WDR1: variants seen among roughly 807,000 people sequenced by gnomAD.
WDR1 encodes WD repeat domain 1.
A neutral mutation model predicts 71.9 loss-of-function variants in WDR1; 21 were observed. The observed-to-expected ratio is 0.29, with a 90% CI of 0.21 to 0.42. The LOEUF (loss-of-function observed/expected upper bound fraction) is 0.42, where lower values mean the gene tolerates loss of function less well. Ranked by LOEUF, WDR1 falls within the 10% of genes least tolerant of loss-of-function variation. The pLI is 1.00. For missense variants in WDR1, 696 were observed against 824.5 expected (o/e 0.84, Z 1.91); for synonymous variants, 424 against 347.4 (o/e 1.22, Z -2.45).
chr4:10,108,754 T>C (rs1713176070), intron 2 of WDR1, among the ~76,000 whole-genome samples: 1 of 152,160 alleles, frequency 6.6e-6, no homozygotes, highest in African/African-American at 2.4e-5. Flanking sequence ...ACACAACGCC[T>C]TCTCCTAATT....
intron 3 of WDR1, among the ~76,000 whole-genome samples, chr4:10,103,382 C>G (rs552751715): frequency 6.6e-6 from 1 of 152,108 alleles, no homozygotes; most frequent in African/African-American, 2.4e-5. Flanking sequence ...CCCTGGCCAA[C>G]CTCATGGTGG....
intron 2 of WDR1, among the ~76,000 whole-genome samples, chr4:10,111,985 A>C (rs1713400673): frequency 6.6e-6 from 1 of 152,188 alleles, no homozygotes; most frequent in African/African-American, 2.4e-5. Flanking sequence ...ACCAGGCCCC[A>C]AACTTGCCTG....
intron 11 of WDR1, among the ~76,000 whole-genome samples, chr4:10,079,640 CCAGA>C (rs1406925489): frequency 1.3e-5 from 2 of 152,206 alleles, no homozygotes; most frequent in East Asian, 3.9e-4. Flanking sequence ...TCAACTGCTC[CCAGA>C]CAGTGGCCTT....
chr4:10,114,976 T>A (rs1026555116), intron 2 of WDR1, among the ~76,000 whole-genome samples: 1 of 152,188 alleles, frequency 6.6e-6, no homozygotes, highest in Admixed American at 6.5e-5. Flanking sequence ...AGAAGGAAAC[T>A]GAGACCCAGA....
At position 10,074,725 on chromosome 4, in the gene WDR1, A is replaced by T. The variant is rs983732482; in HGVS notation, c.*653T>A. Reference sequence around the variant, plus strand: ...TCAACGCACTAGTTTGTAAACACTGACAGGCAACAGTTAAGATACATTAAA... The same window carrying T: ...TCAACGCACTAGTTTGTAAACACTGTCAGGCAACAGTTAAGATACATTAAA... On this transcript the variant is annotated 3_prime_UTR_variant, in exon 15 of 15. Coordinates refer to ENST00000499869, the MANE Select transcript of WDR1 (RefSeq NM_017491.5). The T allele has an allele frequency of 5.3e-5, 8 of 152,322 alleles. No individual in the cohort carries two copies. The highest frequency in any genetic ancestry group is 1.9e-4 in the African/African-American group (8 of 41,406). 9.4% of individuals were successfully genotyped at this position (152,322 alleles called of 1,614,324 possible).
chr4:10,099,938 C>T (rs575231526), intron 3 of WDR1, among the ~76,000 whole-genome samples: 3 of 152,318 alleles, frequency 2.0e-5, no homozygotes, highest in East Asian at 3.9e-4. Flanking sequence ...CCGGGGGCCA[C>T]GTACCCCCAA....
At position 10,116,680 on chromosome 4, in the gene WDR1, T is replaced by A; in HGVS notation, c.-14A>T. ...CTCGTACGGCATCCTCGCCCACTTG[T>A]TACCGCGCCGCGCTCGCCGAGAGCC... On this transcript the variant is annotated 5_prime_UTR_variant, in exon 1 of 15. Transcript: ENST00000499869. 1 of 1,349,636 alleles carries A rather than the reference T, an allele frequency of 7.4e-7. No homozygotes were observed. The allele number at this position is 1,349,636 out of a possible 1,614,324, so 83.6% of individuals were successfully genotyped here. A position where few individuals can be genotyped will look rare whatever the true frequency, so the allele number is the denominator to read the frequency against.
chr4:10,082,444 C>G (rs1314735955), intron 10 of WDR1, among the ~76,000 whole-genome samples: 1 of 152,156 alleles, frequency 6.6e-6, no homozygotes, highest in African/African-American at 2.4e-5. Flanking sequence ...CTCGTCAGGT[C>G]CTGGAACATT....
intron 5 of WDR1, among the ~76,000 whole-genome samples, chr4:10,089,786 T>G (rs1711845449): frequency 6.6e-6 from 1 of 152,240 alleles, no homozygotes; most frequent in Admixed American, 6.5e-5. Context: ...AATCACGGAC[T>G]TAATTTTAAA....
chr4:10,083,273 G>A, intron 9 of WDR1, 95 bp from the exon 10 acceptor site: 1 of 1,441,372 alleles, frequency 6.9e-7, no homozygotes, highest in African/African-American at 1.4e-5. Flanking sequence ...CATCAAGAAT[G>A]AGAATCTCGC....
At chr4:10,083,895 A>G (rs1765108569) in intron 9 of WDR1, among the ~76,000 whole-genome samples, 1 of 152,272 alleles carries the variant, frequency 6.6e-6, no homozygotes, top group Non-Finnish European at 1.5e-5. Context: ...AAACACCTCC[A>G]GGGAACATCA....
chr4:10,088,553 A>T, intron 6 of WDR1, 111 bp downstream of exon 6: 2 of 1,157,364 alleles, frequency 1.7e-6, no homozygotes, highest in Non-Finnish European at 1.3e-6. Flanking sequence ...GGGGAGGGCG[A>T]TGTCTAAGTT....
At chr4:10,081,269 C>G (rs1425132424) in intron 11 of WDR1, 88 bp downstream of exon 11, 1 of 1,301,578 alleles carries the variant, frequency 7.7e-7, no homozygotes, top group African/African-American at 1.5e-5. Flanking sequence ...CTGGCTAGAG[C>G]AACTGTCAAA....
chr4:10,084,978 C>T (rs914921995), intron 8 of WDR1, among the ~76,000 whole-genome samples: 3 of 152,262 alleles, frequency 2.0e-5, no homozygotes, highest in Admixed American at 1.3e-4. Context: ...TTCTCTCTCC[C>T]TGCCCAGGAG....
At chr4:10,083,234 G>A in intron 9 of WDR1, 56 bp from the exon 10 acceptor site, 2 of 1,569,390 alleles carry the variant, frequency 1.3e-6, no homozygotes, top group Non-Finnish European at 1.7e-6. Flanking sequence ...GTTCTCAGGT[G>A]TGGCTTCAGT....
intron 2 of WDR1, among the ~76,000 whole-genome samples, 153 bp from the exon 3 acceptor site, chr4:10,104,139 C>T (rs557809607): frequency 3.3e-5 from 5 of 152,340 alleles, no homozygotes; most frequent in East Asian, 3.9e-4. Flanking sequence ...CACTTGCCTA[C>T]GTATCTACTG....
At position 10,084,408 on chromosome 4, in the gene WDR1, C is replaced by T. The variant is rs757799131; in HGVS notation, c.1039+35G>A. ...ACAGGAAATTCCCCCCTAGAGCCAG[C>T]GGCTCCGGAGCCAGCTCTTTGAGTC... is the stretch of plus-strand genomic sequence containing the variant. On this transcript the variant is annotated intron_variant, in intron 9 of 14. Coordinates refer to ENST00000499869, the MANE Select transcript of WDR1 (RefSeq NM_017491.5). The T allele has an allele frequency of 7.6e-6, 12 of 1,587,868 alleles. No individual in the cohort carries two copies. The East Asian group carries it at 9.1e-5, about 12-fold the overall frequency.
intron 8 of WDR1, among the ~76,000 whole-genome samples, chr4:10,085,970 G>A (rs1158316636): frequency 1.3e-5 from 2 of 152,198 alleles, no homozygotes; most frequent in East Asian, 1.9e-4. Context: ...GTTTAGCCAC[G>A]GTGGCAGGCC....
At position 10,103,883 on chromosome 4, in the gene WDR1, C is replaced by T. The variant is rs531252155; in HGVS notation, c.229+13G>A. On this transcript the variant is annotated intron_variant, in intron 3 of 14. Coordinates refer to ENST00000499869, the MANE Select transcript of WDR1 (RefSeq NM_017491.5). Reference sequence around the variant, plus strand: ...CCCCACAGGTGTCCACGAGCCTTGCCCCCATACAGTACCTCCGGAGGCAAT... The same window carrying T: ...CCCCACAGGTGTCCACGAGCCTTGCTCCCATACAGTACCTCCGGAGGCAAT... 13 of 1,570,722 alleles carry T rather than the reference C, an allele frequency of 8.3e-6. No homozygotes were observed. In the South Asian group the frequency reaches 1.5e-4, roughly 18 times the overall value.
Sources: allele counts gnomAD v4.1 joint callset (sites outside exome capture counted in the v4.1 genomes callset), GRCh38; gene constraint gnomAD v4.1.1; transcripts MANE v1.5; gene names NCBI Gene and HGNC (gene_info 2026-07-23, HGNC 2026-07-21).